NWD2: variants seen among roughly 807,000 people sequenced by gnomAD.
The protein encoded by NWD2 is NACHT and WD repeat domain-containing protein 2.
In NWD2, 37 loss-of-function variants were observed where a neutral mutation model predicts 132.7. The ratio of observed to expected loss-of-function variants is 0.28; its 90% CI spans 0.21 to 0.37. NWD2 has a LOEUF of 0.37. NWD2 is among the 10% of genes least tolerant of loss of function. NWD2 has a pLI of 1.00. For synonymous variants in NWD2, 705 were observed against 803.0 expected, an observed-to-expected ratio of 0.88 and a Z score of 2.06; for missense variants, 1,592 against 2,122.4, an observed-to-expected ratio of 0.75 and a Z score of 4.91.
chr4:37,364,981 A>G (rs1720067864), intron 3 of NWD2, among the ~76,000 whole-genome samples: 1 of 152,222 alleles, frequency 6.6e-6, no homozygotes, highest in Non-Finnish European at 1.5e-5. Flanking sequence ...CAAAGTGTGT[A>G]GCTGTAACTG....
At chr4:37,351,207 G>A (rs1476760520) in intron 2 of NWD2, among the ~76,000 whole-genome samples, 1 of 152,148 alleles carries the variant, frequency 6.6e-6, no homozygotes, top group African/African-American at 2.4e-5. Flanking sequence ...AATAAGTTAG[G>A]GAGGATTCCC....
intron 1 of NWD2, among the ~76,000 whole-genome samples, chr4:37,256,419 G>T (rs1717519701): frequency 6.6e-6 from 1 of 152,170 alleles, no homozygotes; most frequent in Non-Finnish European, 1.5e-5. Context: ...TGTTGAAACT[G>T]TTAAATAGAC....
intron 3 of NWD2, among the ~76,000 whole-genome samples, chr4:37,369,728 G>C (rs1373209006): frequency 1.3e-5 from 2 of 152,098 alleles, no homozygotes; most frequent in South Asian, 2.1e-4. Flanking sequence ...AAAAGGTAGA[G>C]GGGGGGTCAA....
At chr4:37,385,871 G>C (rs1330653184) in intron 3 of NWD2, among the ~76,000 whole-genome samples, 1 of 152,196 alleles carries the variant, frequency 6.6e-6, no homozygotes, top group Non-Finnish European at 1.5e-5. Context: ...GGAATTCTAA[G>C]TATATTCATT....
intron 3 of NWD2, among the ~76,000 whole-genome samples, chr4:37,377,343 A>G (rs892284898): frequency 2.6e-5 from 4 of 152,366 alleles, no homozygotes. Context: ...TTAGTAAAAC[A>G]AAAAATTAAA....
At chr4:37,330,681 G>T (rs756050780) in intron 2 of NWD2, among the ~76,000 whole-genome samples, 11 of 152,158 alleles carry the variant, frequency 7.2e-5, no homozygotes, top group Non-Finnish European at 1.6e-4. Flanking sequence ...ACTGGTTCTT[G>T]TTTGTTTTTA....
intron 2 of NWD2, 92 bp from the exon 3 acceptor site, chr4:37,356,274 A>G (rs965100981): frequency 3.2e-6 from 2 of 634,486 alleles, no homozygotes; most frequent in Non-Finnish European, 5.2e-6. Flanking sequence ...AACATGCTGC[A>G]AAGAGAAAAG....
chr4:37,426,179 T>C (rs1331084683), intron 3 of NWD2, among the ~76,000 whole-genome samples: 3 of 152,128 alleles, frequency 2.0e-5, no homozygotes, highest in Non-Finnish European at 4.4e-5. Context: ...TACTGAAAAA[T>C]GTGGAAGCAA....
chr4:37,301,456 A>T (rs752995116), intron 1 of NWD2, among the ~76,000 whole-genome samples: 14 of 152,006 alleles, frequency 9.2e-5, no homozygotes, highest in Non-Finnish European at 1.8e-4. Context: ...AATTCAAAAG[A>T]TGTATATTAG....
intron 3 of NWD2, among the ~76,000 whole-genome samples, chr4:37,378,430 AGTT>A (rs1204738544): frequency 2.6e-5 from 4 of 152,224 alleles, no homozygotes; most frequent in Admixed American, 1.3e-4. Flanking sequence ...ACAGGGTGTC[AGTT>A]GTTGTCCATT....
At chr4:37,362,451 G>T (rs773913742) in intron 3 of NWD2, among the ~76,000 whole-genome samples, 67 of 152,156 alleles carry the variant, frequency 4.4e-4, no homozygotes, top group Admixed American at 2.7e-3. Context: ...CAAACAGCAT[G>T]GTGCTGGTAC....
intron 2 of NWD2, among the ~76,000 whole-genome samples, chr4:37,341,361 A>T (rs1388504467): frequency 6.6e-6 from 1 of 152,238 alleles, no homozygotes. Context: ...GTTTATCAGG[A>T]TATAACCTCA....
chr4:37,410,468 G>T (rs1309959142), intron 3 of NWD2, among the ~76,000 whole-genome samples: 1 of 152,160 alleles, frequency 6.6e-6, no homozygotes, highest in African/African-American at 2.4e-5. Flanking sequence ...AAATATATAT[G>T]CACCCAACAC....
Position 37,446,326 on chromosome 4 carries a change from C to T in NWD2, c.4338C>T (p.Ser1446=), listed in dbSNP as rs1459113049. 12 of 1,551,768 alleles carry T rather than the reference C, an allele frequency of 7.7e-6. No homozygotes were observed. The highest frequency in any genetic ancestry group is 2.7e-5 in the African/African-American group (2 of 73,028). Residue 1446 remains serine, a synonymous_variant, in exon 7 of 7, where the codon TCC becomes TCT. Coordinates refer to ENST00000309447, the MANE Select transcript of NWD2 (RefSeq NM_001144990.2). The surrounding 1 kb of genome is among the most constrained non-coding windows in gnomAD (Gnocchi z 6.7). ...CTTTGCAGAATGCCTTTATTACCTC[C>T]GCAAATACCTTCGTGGTGGGAATGA... is the stretch of plus-strand genomic sequence containing the variant. ...LTTLQNAFIT[S]ANTFVVGMTK...
intron 1 of NWD2, among the ~76,000 whole-genome samples, chr4:37,245,963 G>C (rs1287990191): frequency 1.3e-5 from 2 of 152,194 alleles, no homozygotes; most frequent in East Asian, 1.9e-4. Context: ...TGAACGCTGG[G>C]CGGTCAAATC....
chr4:37,328,313 G>T (rs769911492), intron 2 of NWD2, among the ~76,000 whole-genome samples: 9 of 151,890 alleles, frequency 5.9e-5, no homozygotes, highest in South Asian at 2.1e-4. Flanking sequence ...TGTTACATAG[G>T]TATACATGTA....
At chr4:37,441,999 T>A (rs1262763963) in intron 6 of NWD2, among the ~76,000 whole-genome samples, 1 of 152,120 alleles carries the variant, frequency 6.6e-6, no homozygotes, top group Non-Finnish European at 1.5e-5. Flanking sequence ...CAAACCGGTG[T>A]TTTCAGATTT....
Position 37,447,920 on chromosome 4 carries a change from A to G in NWD2, c.*703A>G, listed in dbSNP as rs972035670. The G allele has an allele frequency of 1.3e-5, 2 of 152,214 alleles. No homozygotes were observed. Among genetic ancestry groups the G allele is most frequent in the African/African-American group, 4.8e-5 (2 of 41,462 alleles). The allele number at this position is 152,214 out of a possible 1,614,324, so 9.4% of individuals were successfully genotyped here. On this transcript the variant is annotated 3_prime_UTR_variant, in exon 7 of 7. Transcript: ENST00000309447. ...CTGTATAACAGAATATATGATTTTT[A>G]AACTATTTCCTGGGTTGCAAAAGAA... is the stretch of plus-strand genomic sequence containing the variant.
intron 1 of NWD2, among the ~76,000 whole-genome samples, chr4:37,322,922 A>T (rs1055878244): frequency 8.5e-5 from 13 of 152,300 alleles, no homozygotes; most frequent in Middle Eastern, 3.4e-3. Context: ...TAGTCATTTC[A>T]TGCATTTATT....
Sources: gnomAD v4.1 joint callset for allele counts (sites outside exome capture counted in the v4.1 genomes callset) on GRCh38, gnomAD v4.1.1 for gene constraint, Gnocchi (gnomAD v3.1) non-coding constraint, MANE v1.5 for transcripts, NCBI Gene and HGNC (gene_info 2026-07-23, HGNC 2026-07-21) for gene names.